LGR6: variants seen among roughly 807,000 people sequenced by gnomAD.
The protein encoded by LGR6 is leucine-rich repeat-containing G protein-coupled receptor 6.
LGR6 carries 45 observed loss-of-function variants against 69.4 expected under a neutral mutation model. The ratio of observed to expected loss-of-function variants is 0.65; its 90% confidence interval spans 0.51 to 0.83. LGR6 has a LOEUF of 0.83. LGR6 is among the 40% of genes least tolerant of loss of function. The pLI is 0.00. For missense variants in LGR6, 1,108 were observed against 1,246.7 expected, an observed-to-expected ratio of 0.89 and a Z score of 1.68; for synonymous variants, 538 against 555.0, an observed-to-expected ratio of 0.97 and a Z score of 0.43.
intron 1 of LGR6, among the ~76,000 whole-genome samples, chr1:202,220,224 A>ATT (rs1031543213): frequency 7.0e-6 from 1 of 143,738 alleles, no homozygotes; most frequent in African/African-American, 2.6e-5. Context: ...TCACACTACA[A>ATT]TTTTTTTTTT....
chr1:202,223,984 C>T (rs1660336349), intron 1 of LGR6, among the ~76,000 whole-genome samples: 1 of 151,876 alleles, frequency 6.6e-6, no homozygotes, highest in African/African-American at 2.4e-5. Context: ...TAAGCATTAG[C>T]TCACTTAATC....
At chr1:202,254,263 T>C (rs1173941207) in intron 4 of LGR6, among the ~76,000 whole-genome samples, 1 of 152,180 alleles carries the variant, frequency 6.6e-6, no homozygotes, top group African/African-American at 2.4e-5. Context: ...CTTATTAGAC[T>C]AATCTCCAGA....
Position 202,268,855 on chromosome 1 carries a change from T to C in LGR6, c.429-7451T>C, listed in dbSNP as rs558130581. Among the ~76,000 whole-genome samples the C allele has an allele frequency of 1.3e-5, 2 of 152,324 alleles. No homozygotes were observed. Among genetic ancestry groups the C allele is most frequent in the Admixed American group, 6.5e-5 (1 of 15,294 alleles). On this transcript the variant is annotated intron_variant, in intron 4 of 17. Coordinates refer to ENST00000367278, the MANE Select transcript of LGR6 (RefSeq NM_001017403.2). This position sits in a 1 kb window ranked among gnomAD's most constrained non-coding sequence, Gnocchi z 4.4. Reference sequence around the variant, plus strand: ...ACCTGTGTGGTTGCCAGGGCCCTGATAGCAGAAGGGGCCTGTACCTGGTTT... The same window carrying C: ...ACCTGTGTGGTTGCCAGGGCCCTGACAGCAGAAGGGGCCTGTACCTGGTTT...
intron 2 of LGR6, 142 bp from the exon 3 acceptor site, chr1:202,227,794 G>A: frequency 1.5e-6 from 1 of 645,282 alleles, no homozygotes; most frequent in Non-Finnish European, 2.8e-6. Flanking sequence ...TGCATGTGAA[G>A]TATTAAACGC....
At chr1:202,226,169 C>A (rs1054538835) in intron 2 of LGR6, among the ~76,000 whole-genome samples, 3 of 152,186 alleles carry the variant, frequency 2.0e-5, no homozygotes, top group African/African-American at 4.8e-5. Context: ...AAAAGTAAAT[C>A]ATCTCCTGGA....
chr1:202,310,099 A>G, intron 15 of LGR6, 98 bp from the exon 16 acceptor site: 1 of 1,233,234 alleles, frequency 8.1e-7, no homozygotes, highest in Non-Finnish European at 1.2e-6. Flanking sequence ...ACAGACACTG[A>G]GTGCCCAGCC....
rs910111346 is a variant in LGR6, at chr1:202,290,457, C to G, written c.717-7051C>G. Among the ~76,000 whole-genome samples the G allele has an allele frequency of 2.6e-5, 4 of 152,194 alleles. No homozygotes were observed. In the South Asian group the frequency reaches 8.3e-4, roughly 32 times the overall value. On this transcript the variant is annotated intron_variant, in intron 6 of 17. Coordinates refer to ENST00000367278, the MANE Select transcript of LGR6 (RefSeq NM_001017403.2). ...CTGCTATTTAGAGCCTAGCCAGGATCCAACTCTGTGTAGAATATAGGAAAG... is the reference window on the plus strand; with the variant it reads ...CTGCTATTTAGAGCCTAGCCAGGATGCAACTCTGTGTAGAATATAGGAAAG...
At chr1:202,212,928 G>C (rs912702477) in intron 1 of LGR6, among the ~76,000 whole-genome samples, 1 of 152,084 alleles carries the variant, frequency 6.6e-6, no homozygotes, top group African/African-American at 2.4e-5. Context: ...CTCTTGGCCA[G>C]CTCAGGCCAA....
At chr1:202,203,661 G>C in intron 1 of LGR6, 2 of 678,864 alleles carry the variant, frequency 2.9e-6, no homozygotes, top group Non-Finnish European at 5.1e-6. Context: ...GCAAATAACT[G>C]TGACCTGTTG....
chr1:202,234,238 TTGGGG>T (rs1180256584), intron 3 of LGR6, among the ~76,000 whole-genome samples: 2 of 152,276 alleles, frequency 1.3e-5, no homozygotes, highest in South Asian at 2.1e-4. Flanking sequence ...TCCCCACCCC[TTGGGG>T]TGGCAAAGAG....
intron 5 of LGR6, among the ~76,000 whole-genome samples, chr1:202,278,772 A>G (rs994942913): frequency 2.6e-5 from 4 of 152,172 alleles, no homozygotes; most frequent in Non-Finnish European, 4.4e-5. Flanking sequence ...AGGTGTGAGC[A>G]GGCAAGCAGG....
Position 202,318,141 on chromosome 1 carries a change from T to C in LGR6, c.1838T>C (p.Ile613Thr), listed in dbSNP as rs1020121905. ...AIAGANTLTG[I>T]SCGLLASVDA... is the part of the protein sequence containing the mutation. ...GCAGGCGCCAACACCTTGACTGGCATTTCCTGTGGCCTTCTAGCCTCAGTC... is the reference window on the plus strand; with the variant it reads ...GCAGGCGCCAACACCTTGACTGGCACTTCCTGTGGCCTTCTAGCCTCAGTC... Residue 613 changes from isoleucine to threonine, a missense_variant, in exon 18 of 18, where the codon ATT (isoleucine) becomes ACT (threonine). Coordinates refer to ENST00000367278, the MANE Select transcript of LGR6 (RefSeq NM_001017403.2). 5.6e-6 allele frequency: 9 copies of C among 1,614,022 alleles called. No individual in the cohort carries two copies. Among genetic ancestry groups the C allele is most frequent in the Non-Finnish European group, 3.4e-6 (4 of 1,180,034 alleles).
chr1:202,204,617 C>T (rs1659010612), intron 1 of LGR6, among the ~76,000 whole-genome samples: 1 of 49,082 alleles, frequency 2.0e-5, no homozygotes, highest in Non-Finnish European at 4.2e-5. Context: ...CAAACACACA[C>T]CTCCTTCAAA....
At chr1:202,249,426 G>C (rs930681393) in intron 4 of LGR6, among the ~76,000 whole-genome samples, 1 of 152,130 alleles carries the variant, frequency 6.6e-6, no homozygotes, top group Non-Finnish European at 1.5e-5. Flanking sequence ...CTCTGCTTCA[G>C]TTTCTCCCTG....
Position 202,318,677 on chromosome 1 carries a change from C to T in LGR6, c.2374C>T (p.Leu792Phe), listed in dbSNP as rs1001316369. The T allele has an allele frequency of 3.7e-6, 6 of 1,613,720 alleles. 1 individual carries two copies. The Admixed American group carries it at 5.0e-5, about 13-fold the overall frequency. ...GCTCCTCTACTGTCCCGTGGCCTTC[C>T]TCAGCTTTGCCTCCATGCTGGGCCT... is the stretch of plus-strand genomic sequence containing the variant. ...DGLLYCPVAF[L>F]SFASMLGLFP... Residue 792 changes from leucine to phenylalanine, a missense_variant, in exon 18 of 18, where the codon CTC becomes TTC. Leu to Phe is a conservative substitution (Grantham distance 22). Coordinates refer to ENST00000367278, the MANE Select transcript of LGR6 (RefSeq NM_001017403.2).
At chr1:202,249,502 T>C (rs1466598661) in intron 4 of LGR6, among the ~76,000 whole-genome samples, 1 of 152,198 alleles carries the variant, frequency 6.6e-6, no homozygotes, top group Non-Finnish European at 1.5e-5. Flanking sequence ...AAGTCTTAGC[T>C]TTAGCTTAGA....
chr1:202,281,225 G>C (rs1236099680), intron 6 of LGR6, among the ~76,000 whole-genome samples: 3 of 152,136 alleles, frequency 2.0e-5, no homozygotes, highest in Non-Finnish European at 2.9e-5. Flanking sequence ...GGTGGGGCTG[G>C]GGCTGACTTG....
At chr1:202,202,747 A>G (rs957351230) in intron 1 of LGR6, among the ~76,000 whole-genome samples, 1 of 152,090 alleles carries the variant, frequency 6.6e-6, no homozygotes, top group Non-Finnish European at 1.5e-5. Flanking sequence ...CATTTCACCT[A>G]TTTGACTCTG....
intron 11 of LGR6, among the ~76,000 whole-genome samples, chr1:202,305,439 A>ACTT (rs1278210555): frequency 4.0e-5 from 6 of 151,800 alleles, no homozygotes; most frequent in Admixed American, 3.3e-4. Flanking sequence ...CGCCCCTCTC[A>ACTT]CTTCCTGGGT....
Sources: gnomAD v4.1 joint callset for allele counts (sites outside exome capture counted in the v4.1 genomes callset) on GRCh38, gnomAD v4.1.1 for gene constraint, Gnocchi (gnomAD v3.1) non-coding constraint, MANE v1.5 for transcripts, NCBI Gene and HGNC (gene_info 2026-07-23, HGNC 2026-07-21) for gene names.